DAPK1: variants seen among roughly 807,000 people sequenced by gnomAD.
The protein encoded by DAPK1 is death-associated protein kinase 1.
In DAPK1, 56 loss-of-function variants were observed where a neutral mutation model predicts 144.9. That is an observed-to-expected ratio of 0.39 (90% CI 0.31 to 0.48). The LOEUF (loss-of-function observed/expected upper bound fraction) is 0.48, where lower values mean the gene tolerates loss of function less well. Ranked by LOEUF, DAPK1 falls within the 20% of genes least tolerant of loss-of-function variation. DAPK1 has a pLI of 0.95. For missense variants in DAPK1, 1,454 were observed against 1,875.4 expected (o/e 0.78, Z 4.15); for synonymous variants, 690 against 749.0 (o/e 0.92, Z 1.29).
chr9:87,629,390 C>A (rs139209090), intron 3 of DAPK1, among the ~76,000 whole-genome samples: 51 of 152,326 alleles, frequency 3.3e-4, no homozygotes, highest in African/African-American at 1.2e-3. Context: ...GGGAGCATGG[C>A]TCTGTAGACA....
intron 3 of DAPK1, among the ~76,000 whole-genome samples, chr9:87,618,142 C>G (rs1355596936): frequency 5.9e-5 from 9 of 152,218 alleles, no homozygotes; most frequent in African/African-American, 2.2e-4. Context: ...ACAGCTGCTT[C>G]TCTTGCTGAA....
chr9:87,555,118 A>G (rs1367048543), intron 2 of DAPK1, among the ~76,000 whole-genome samples: 1 of 152,226 alleles, frequency 6.6e-6, no homozygotes, highest in Non-Finnish European at 1.5e-5. Context: ...CAGCCTCAGT[A>G]TTATGACTTA....
intron 2 of DAPK1, among the ~76,000 whole-genome samples, chr9:87,570,418 A>G (rs1338325847): frequency 6.6e-6 from 1 of 152,254 alleles, no homozygotes; most frequent in African/African-American, 2.4e-5. Context: ...GCTTTGATGT[A>G]AATCTGCCAG....
chr9:87,628,809 T>A lies in DAPK1; in HGVS notation c.285-9134T>A, dbSNP rs539137942. 5.3e-5 allele frequency among the ~76,000 whole-genome samples: 8 copies of A among 152,308 alleles called. No homozygotes were observed. The East Asian group carries it at 1.2e-3, about 22-fold the overall frequency. ...ACCAGATATATATTTCTCATCCACA[T>A]TTTTCTGACCTGAATTAAAACATTT... On this transcript the variant is annotated intron_variant, in intron 3 of 25. Transcript: ENST00000408954.
chr9:87,576,152 A>C (rs1827547714), intron 2 of DAPK1, among the ~76,000 whole-genome samples: 1 of 152,208 alleles, frequency 6.6e-6, no homozygotes, highest in African/African-American at 2.4e-5. Flanking sequence ...TTCTTCATAC[A>C]CGTACACACA....
chr9:87,677,184 TG>T (rs1415171646), intron 19 of DAPK1, among the ~76,000 whole-genome samples: 1 of 152,238 alleles, frequency 6.6e-6, no homozygotes, highest in African/African-American at 2.4e-5. Context: ...TTTATTGTGC[TG>T]GCCCATGAAA....
At chr9:87,626,286 A>G (rs1457650159) in intron 3 of DAPK1, among the ~76,000 whole-genome samples, 1 of 152,112 alleles carries the variant, frequency 6.6e-6, no homozygotes, top group African/African-American at 2.4e-5. Context: ...GTGGTGGTGC[A>G]CGCCTGTAAT....
At chr9:87,702,944 A>G (rs980065576) in intron 24 of DAPK1, 85 bp from the exon 25 acceptor site, 1 of 671,958 alleles carries the variant, frequency 1.5e-6, no homozygotes, top group African/African-American at 1.8e-5. Flanking sequence ...AGGCGCCTGA[A>G]TGAAAGGTGT....
chr9:87,576,021 G>A lies in DAPK1; in HGVS notation c.63-28933G>A, dbSNP rs1587733300. ...GAAACCCAAGAAAATGCCTTCCGTG[G>A]TTCAATGTTTTGCTTTTTCTCTAAC... is the stretch of plus-strand genomic sequence containing the variant. On this transcript the variant is annotated intron_variant, in intron 2 of 25. Coordinates refer to ENST00000408954, the MANE Select transcript of DAPK1 (RefSeq NM_004938.4). 4.6e-5 allele frequency among the ~76,000 whole-genome samples: 7 copies of A among 152,308 alleles called. No homozygotes were observed. The South Asian group carries it at 1.4e-3, about 32-fold the overall frequency.
intron 15 of DAPK1, among the ~76,000 whole-genome samples, chr9:87,649,467 G>T (rs1285438543): frequency 1.3e-5 from 2 of 152,190 alleles, no homozygotes; most frequent in Non-Finnish European, 2.9e-5. Flanking sequence ...AAAGCTAGAG[G>T]CATTAAGGTT....
At chr9:87,623,688 T>C (rs1587781118) in intron 3 of DAPK1, among the ~76,000 whole-genome samples, 1 of 151,868 alleles carries the variant, frequency 6.6e-6, no homozygotes, top group Non-Finnish European at 1.5e-5. Flanking sequence ...TTATGAAAGG[T>C]TCTGGGTTCC....
At chr9:87,622,726 C>T (rs190248298) in intron 3 of DAPK1, among the ~76,000 whole-genome samples, 1 of 151,990 alleles carries the variant, frequency 6.6e-6, no homozygotes, top group East Asian at 1.9e-4. Context: ...GCCTGGGCAA[C>T]ACGGTGAAAC....
At chr9:87,640,947 C>T in intron 9 of DAPK1, 100 bp downstream of exon 9, 4 of 1,142,342 alleles carry the variant, frequency 3.5e-6, no homozygotes, top group Admixed American at 1.7e-5. Flanking sequence ...CCACAGGTCA[C>T]ACCTGGAGTG....
intron 3 of DAPK1, among the ~76,000 whole-genome samples, chr9:87,605,493 C>G (rs1411067063): frequency 6.6e-6 from 1 of 152,096 alleles, no homozygotes; most frequent in Non-Finnish European, 1.5e-5. Context: ...TGTTAAGCTT[C>G]AAGCATATGT....
chr9:87,589,410 C>T (rs570602263), intron 2 of DAPK1, among the ~76,000 whole-genome samples: 61 of 152,270 alleles, frequency 4.0e-4, no homozygotes, highest in Admixed American at 1.2e-3. Flanking sequence ...TAATCAGCAT[C>T]TTTCCCACTA....
chr9:87,681,286 A>AAAAAAAG (rs1215984892), intron 19 of DAPK1, 118 bp from the exon 20 acceptor site: 3 of 687,802 alleles, frequency 4.4e-6, no homozygotes, highest in East Asian at 2.5e-5. Context: ...CTCAAAAAAG[A>AAAAAAAG]AAAAAAGAAA....
rs1286955955 is a variant in DAPK1, at chr9:87,638,178, T to G, written c.423+97T>G. 4 of 1,280,320 alleles carry G rather than the reference T, an allele frequency of 3.1e-6. No homozygotes were observed. The East Asian group carries it at 7.1e-5, about 23-fold the overall frequency. 79.3% of individuals were successfully genotyped at this position (1,280,320 alleles called of 1,614,324 possible). A position where few individuals can be genotyped will look rare whatever the true frequency, so the allele number is the denominator to read the frequency against. ...AATTGAGGCATCTGAAAGAGTTACA[T>G]GATTTTCCTGTACCAGTTTAACAAA... On this transcript the variant is annotated intron_variant, in intron 4 of 25. Coordinates refer to ENST00000408954, the MANE Select transcript of DAPK1 (RefSeq NM_004938.4).
intron 2 of DAPK1, among the ~76,000 whole-genome samples, chr9:87,540,267 G>T (rs1461847092): frequency 7.5e-6 from 1 of 132,872 alleles, no homozygotes; most frequent in East Asian, 2.3e-4. Flanking sequence ...TCAGTTCACT[G>T]CAGCCTCTGC....
At chr9:87,574,808 G>A (rs771079433) in intron 2 of DAPK1, among the ~76,000 whole-genome samples, 8 of 152,170 alleles carry the variant, frequency 5.3e-5, no homozygotes, top group Non-Finnish European at 8.8e-5. Flanking sequence ...TGTAGTCCCA[G>A]CTACTGGGAG....
Sources: gnomAD v4.1 joint callset for allele counts (sites outside exome capture counted in the v4.1 genomes callset) on GRCh38, gnomAD v4.1.1 for gene constraint, MANE v1.5 for transcripts, NCBI Gene and HGNC (gene_info 2026-07-23, HGNC 2026-07-21) for gene names.